TPR: variants seen among roughly 807,000 people sequenced by gnomAD.
TPR encodes the protein translocated promoter region, nuclear basket protein, also known as nucleoprotein TPR.
A neutral mutation model predicts 316.1 loss-of-function variants in TPR; 51 were observed. The ratio of observed to expected loss-of-function variants is 0.16; its 90% CI spans 0.13 to 0.20. The LOEUF is 0.20. TPR is among the 10% of genes least tolerant of loss of function. The probability of loss-of-function intolerance (pLI) is 1.00; values close to 1 mark genes in which losing one functional copy is unlikely to be tolerated. For missense variants in TPR, 2,272 were observed against 2,754.8 expected (o/e 0.82, Z 3.92); for synonymous variants, 981 against 914.7 (o/e 1.07, Z -1.31).
chr1:186,344,360 G>C lies in TPR; in HGVS notation c.3417+15C>G, dbSNP rs772113088. On this transcript the variant is annotated intron_variant, in intron 25 of 50. Transcript: ENST00000367478. ...TCAATTCAACAGAACATTCTATTCAGATTTACAATAATACCTTTAACATTC... is the reference window on the plus strand; with the variant it reads ...TCAATTCAACAGAACATTCTATTCACATTTACAATAATACCTTTAACATTC... 3.1e-6 allele frequency: 5 copies of C among 1,609,552 alleles called. No individual in the cohort carries two copies. The Admixed American group carries it at 8.4e-5, about 27-fold the overall frequency.
In TPR at chr1:186,361,863, C is replaced by T. The variant is rs1395168961; in HGVS notation, c.796G>A (p.Glu266Lys). 1 of 1,612,380 alleles carries T rather than the reference C, an allele frequency of 6.2e-7. No homozygotes were observed. The highest frequency in any genetic ancestry group is 1.1e-5 in the South Asian group (1 of 90,992). ...DLLTKLKEAK[E>K]QQASMEEKFH... is the part of the protein sequence containing the mutation. Reference sequence around the variant, plus strand: ...TTCTCTTCCATACTGGCCTGTTGTTCCTTGGCCTGAAAAAAATAGCCCAAT... The same window carrying T: ...TTCTCTTCCATACTGGCCTGTTGTTTCTTGGCCTGAAAAAAATAGCCCAAT... Residue 266 changes from glutamate to lysine, a missense_variant, in exon 8 of 51, where the codon GAA becomes AAA. Physicochemically the swap from Glu to Lys is moderately conservative, Grantham distance 56. Transcript: ENST00000367478.
At chr1:186,340,117 C>T (rs1287428777) in intron 29 of TPR, among the ~76,000 whole-genome samples, 1 of 151,806 alleles carries the variant, frequency 6.6e-6, no homozygotes. Flanking sequence ...GTGACATTTA[C>T]AAGAAAAAAA....
Position 186,332,191 on chromosome 1 carries a change from G to C in TPR, c.5604+4C>G. The C allele has an allele frequency of 1.2e-6, 2 of 1,600,512 alleles. No individual in the cohort carries two copies. The highest frequency in any genetic ancestry group is 1.7e-6 in the Non-Finnish European group (2 of 1,174,392). Reference sequence around the variant, plus strand: ...TTAAAATACACAGAAAGAACTTTACGCACCTCAGTTCCTACAGGTGTGACA... The same window carrying C: ...TTAAAATACACAGAAAGAACTTTACCCACCTCAGTTCCTACAGGTGTGACA... On this transcript the variant is annotated splice_donor_region_variant and intron_variant, in intron 38 of 50. Transcript: ENST00000367478.
chr1:186,358,727 C>CA, intron 12 of TPR, 77 bp from the exon 13 acceptor site: 2 of 1,104,864 alleles, frequency 1.8e-6, no homozygotes, highest in Non-Finnish European at 2.7e-6. Flanking sequence ...ATACAATACT[C>CA]AAACACCACC....
intron 50 of TPR, chr1:186,314,236 GA>G: frequency 2.1e-6 from 1 of 487,398 alleles, no homozygotes; most frequent in South Asian, 3.4e-5. Flanking sequence ...GGAAAACATG[GA>G]AATATTAAAA....
chr1:186,363,315 A>T (rs1571636221), intron 5 of TPR, 27 bp downstream of exon 5: 1 of 1,516,740 alleles, frequency 6.6e-7, no homozygotes, highest in Non-Finnish European at 9.1e-7. Context: ...GCTATAGTTT[A>T]TGCATTAGGA....
At position 186,352,118 on chromosome 1, in the gene TPR, T is replaced by C. The variant is rs985147273; in HGVS notation, c.2335-8A>G. 6.4e-7 allele frequency: 1 copy of C among 1,568,606 alleles called. No individual in the cohort carries two copies. The highest frequency in any genetic ancestry group is 8.6e-7 in the Non-Finnish European group (1 of 1,162,982). ...CAAATTTTCTGCTCTTACCTAAACA[T>C]AAGTAGAAATGAAATAAAAAATGCT... On this transcript the variant is annotated splice_polypyrimidine_tract_variant and splice_region_variant and intron_variant, in intron 18 of 50. Transcript: ENST00000367478.
chr1:186,314,073 A>G, intron 50 of TPR, 47 bp from the exon 51 acceptor site: 4 of 1,554,650 alleles, frequency 2.6e-6, no homozygotes, highest in Non-Finnish European at 3.5e-6. Context: ...TTAAGAATTC[A>G]AAACTAGTGT....
chr1:186,363,728 T>C (rs1421847389), intron 4 of TPR, among the ~76,000 whole-genome samples: 1 of 152,110 alleles, frequency 6.6e-6, no homozygotes, highest in East Asian at 1.9e-4. Context: ...CTACTGTAAG[T>C]GCATAATATG....
rs1250266359 is a variant in TPR at position 186,353,386 on chromosome 1, C to CA, written c.2334+301dup. On this transcript the variant is annotated intron_variant, in intron 18 of 50. Coordinates refer to ENST00000367478, the MANE Select transcript of TPR (RefSeq NM_003292.3). ...GACTCTGTCTCAAGAAAAAAAAAACCAAAAAAAAAAACGTCTTTGTTAGAA... is the reference window on the plus strand; with the variant it reads ...GACTCTGTCTCAAGAAAAAAAAAACCAAAAAAAAAAAACGTCTTTGTTAGAA... 4.4e-3 allele frequency among the ~76,000 whole-genome samples: 608 copies of CA among 138,820 alleles called. 3 individuals carry two copies. Among genetic ancestry groups the CA allele is most frequent in the African/African-American group, 0.01 (386 of 37,990 alleles). The allele number at this position is 138,820 out of a possible 152,430, so 91.1% of individuals were successfully genotyped here.
chr1:186,327,948 T>G (rs1658050232), intron 39 of TPR, among the ~76,000 whole-genome samples: 1 of 152,066 alleles, frequency 6.6e-6, no homozygotes, highest in Non-Finnish European at 1.5e-5. Context: ...GAAGTCTGGC[T>G]AATTTTTTGT....
intron 50 of TPR, chr1:186,314,292 TG>T (rs1657506033): frequency 2.4e-6 from 1 of 415,074 alleles, no homozygotes; most frequent in Non-Finnish European, 4.3e-6. Context: ...AGCTTTATCG[TG>T]TTGTATAAAA....
At chr1:186,344,240 C>T in intron 25 of TPR, 135 bp downstream of exon 25, 1 of 1,337,180 alleles carries the variant, frequency 7.5e-7, no homozygotes, top group Non-Finnish European at 1.0e-6. Context: ...GTGGAGATTG[C>T]AGTGACCCCA....
At chr1:186,344,980 C>T (rs1307396869) in intron 24 of TPR, among the ~76,000 whole-genome samples, 1 of 152,034 alleles carries the variant, frequency 6.6e-6, no homozygotes, top group African/African-American at 2.4e-5. Flanking sequence ...TAACATGACA[C>T]CCAACTTAAA....
intron 49 of TPR, among the ~76,000 whole-genome samples, chr1:186,316,662 G>A (rs1657621356): frequency 1.3e-5 from 2 of 152,178 alleles, no homozygotes; most frequent in African/African-American, 4.8e-5. Context: ...GGGGTCTCTG[G>A]AGCCAGACTT....
At chr1:186,318,375 T>G in intron 48 of TPR, 72 bp downstream of exon 48, 2 of 1,518,304 alleles carry the variant, frequency 1.3e-6, no homozygotes, top group Non-Finnish European at 1.8e-6. Context: ...AGATTGTTTC[T>G]TGGCTAAAGG....
chr1:186,326,760 C>T (rs1220934628), intron 40 of TPR, among the ~76,000 whole-genome samples: 3 of 149,670 alleles, frequency 2.0e-5, no homozygotes, highest in South Asian at 2.1e-4. Context: ...TTTTTATCTC[C>T]GGAAACCATA....
At chr1:186,351,512 G>C (rs773939277) in intron 19 of TPR, 42 bp from the exon 20 acceptor site, 7 of 1,490,606 alleles carry the variant, frequency 4.7e-6, no homozygotes, top group Non-Finnish European at 6.2e-6. Context: ...TAAGAAAAAG[G>C]CAATACAAAA....
chr1:186,326,634 C>A (rs1241218310), intron 40 of TPR, among the ~76,000 whole-genome samples: 1 of 151,064 alleles, frequency 6.6e-6, no homozygotes, highest in East Asian at 1.9e-4. Flanking sequence ...GGATTAAACC[C>A]CAAAATAAAA....
Sources: gnomAD v4.1 joint callset for allele counts (sites outside exome capture counted in the v4.1 genomes callset) on GRCh38, gnomAD v4.1.1 for gene constraint, MANE v1.5 for transcripts, NCBI Gene and HGNC (gene_info 2026-07-23, HGNC 2026-07-21) for gene names.